NCK2: variants seen among roughly 807,000 people sequenced by gnomAD.
The protein encoded by NCK2 is cytoplasmic protein NCK2.
In NCK2, 16 loss-of-function variants were observed where a neutral mutation model predicts 33.9. The ratio of observed to expected loss-of-function variants is 0.47; its 90% CI spans 0.32 to 0.72. The LOEUF is 0.72. Ranked by LOEUF, NCK2 falls within the 30% of genes least tolerant of loss-of-function variation. NCK2 has a pLI of 0.03. For synonymous variants in NCK2, 273 were observed against 239.9 expected (o/e 1.14, Z -1.27); for missense variants, 418 against 537.3 (o/e 0.78, Z 2.19).
intron 1 of NCK2, among the ~76,000 whole-genome samples, chr2:105,757,711 T>C (rs1316868796): frequency 6.6e-6 from 1 of 152,170 alleles, no homozygotes; most frequent in Non-Finnish European, 1.5e-5. Context: ...AATTAACAAG[T>C]ATGGAAAATA....
At chr2:105,858,975 G>T (rs1480383134) in intron 3 of NCK2, among the ~76,000 whole-genome samples, 2 of 152,200 alleles carry the variant, frequency 1.3e-5, no homozygotes, top group Non-Finnish European at 1.5e-5. Flanking sequence ...AACTGTTTCT[G>T]CTGGCAGAAT....
At chr2:105,878,309 C>T (rs1027904958) in intron 3 of NCK2, among the ~76,000 whole-genome samples, 9 of 152,306 alleles carry the variant, frequency 5.9e-5, no homozygotes, top group Admixed American at 5.9e-4. Context: ...AGTCCCAATC[C>T]CCAGGACCTC....
intron 1 of NCK2, among the ~76,000 whole-genome samples, chr2:105,767,709 C>T (rs1689992606): frequency 6.6e-6 from 1 of 152,176 alleles, no homozygotes. Context: ...GAACAGAAAT[C>T]AGGAGAGCTG....
intron 1 of NCK2, among the ~76,000 whole-genome samples, chr2:105,789,731 C>T (rs1248748963): frequency 6.6e-6 from 1 of 152,202 alleles, no homozygotes; most frequent in Non-Finnish European, 1.5e-5. Flanking sequence ...CCAACTTAGG[C>T]TTGCTCCCGG....
At chr2:105,882,201 G>A (rs1383862771) in intron 4 of NCK2, 152 bp downstream of exon 4, 21 of 949,500 alleles carry the variant, frequency 2.2e-5, no homozygotes, top group African/African-American at 3.4e-5. Context: ...TTGCTACTCC[G>A]TGATTTACTT....
intron 2 of NCK2, among the ~76,000 whole-genome samples, chr2:105,839,544 TACTC>T (rs1228550757): frequency 1.3e-5 from 2 of 152,214 alleles, no homozygotes; most frequent in Admixed American, 6.5e-5. Flanking sequence ...AATACCCACT[TACTC>T]AGAAGGGCAG....
chr2:105,830,249 G>C (rs1231038156), intron 2 of NCK2, among the ~76,000 whole-genome samples: 1 of 151,868 alleles, frequency 6.6e-6, no homozygotes, highest in Non-Finnish European at 1.5e-5. Flanking sequence ...CCCACCTCTA[G>C]TAACCTCTAT....
chr2:105,860,404 G>A lies in NCK2; in HGVS notation c.226+5115G>A, dbSNP rs886111123. On this transcript the variant is annotated intron_variant, in intron 3 of 4. Transcript: ENST00000233154. ...CCAAGTGCCAGCCTCCGTCCCAGAG[G>A]TCAGGATGGACAGAGCCCCTGCTCT... Among the ~76,000 whole-genome samples, 8 of 152,214 alleles carry A rather than the reference G, an allele frequency of 5.3e-5. No individual in the cohort carries two copies. The South Asian group carries it at 1.7e-3, about 32-fold the overall frequency.
At chr2:105,862,461 A>G (rs1677578190) in intron 3 of NCK2, among the ~76,000 whole-genome samples, 1 of 152,236 alleles carries the variant, frequency 6.6e-6, no homozygotes, top group Non-Finnish European at 1.5e-5. Context: ...CAGCAGTCAC[A>G]GGTACGAGAC....
At chr2:105,775,308 T>C (rs974941534) in intron 1 of NCK2, among the ~76,000 whole-genome samples, 1 of 152,220 alleles carries the variant, frequency 6.6e-6, no homozygotes, top group Non-Finnish European at 1.5e-5. Flanking sequence ...TCCTGAATCC[T>C]GGTGTGCCTG....
intron 1 of NCK2, among the ~76,000 whole-genome samples, chr2:105,813,688 C>T (rs561348664): frequency 1.1e-4 from 17 of 152,348 alleles, no homozygotes; most frequent in African/African-American, 3.4e-4. Flanking sequence ...TCAGCACACT[C>T]GCCCAACACT....
At chr2:105,762,219 G>A (rs1032855643) in intron 1 of NCK2, among the ~76,000 whole-genome samples, 5 of 152,142 alleles carry the variant, frequency 3.3e-5, no homozygotes, top group Non-Finnish European at 2.9e-5. Context: ...GGTGATCTCC[G>A]AAGATTTCCT....
chr2:105,886,080 G>A (rs972262865), intron 4 of NCK2, among the ~76,000 whole-genome samples: 14 of 152,216 alleles, frequency 9.2e-5, no homozygotes, highest in Admixed American at 1.3e-4. Flanking sequence ...ATGAGTTAAT[G>A]TTAAGATGAC....
At chr2:105,864,888 T>C (rs1020993539) in intron 3 of NCK2, among the ~76,000 whole-genome samples, 1 of 150,322 alleles carries the variant, frequency 6.7e-6, no homozygotes, top group Admixed American at 6.6e-5. Context: ...TCCCTGCAAA[T>C]GGATGACTTT....
At chr2:105,808,178 G>A (rs898270678) in intron 1 of NCK2, among the ~76,000 whole-genome samples, 9 of 152,182 alleles carry the variant, frequency 5.9e-5, no homozygotes, top group East Asian at 3.9e-4. Flanking sequence ...GATTACAGGC[G>A]TGAGCCACTG....
chr2:105,754,062 G>A (rs927457071), intron 1 of NCK2, among the ~76,000 whole-genome samples: 2 of 152,218 alleles, frequency 1.3e-5, no homozygotes, highest in Admixed American at 1.3e-4. Flanking sequence ...CCCTGGAGCA[G>A]ATGGGACTGA....
intron 1 of NCK2, among the ~76,000 whole-genome samples, chr2:105,783,293 C>A (rs890777386): frequency 1.3e-5 from 2 of 152,150 alleles, no homozygotes; most frequent in Non-Finnish European, 2.9e-5. Flanking sequence ...TTGGGTGGGC[C>A]CCCATCGCCC....
At chr2:105,842,515 AT>A (rs1443833634) in intron 2 of NCK2, among the ~76,000 whole-genome samples, 10 of 152,172 alleles carry the variant, frequency 6.6e-5, no homozygotes. Context: ...CATATTATAC[AT>A]ATGCTTTATG....
In NCK2 at chr2:105,777,197, C is replaced by T. The variant is rs537184447; in HGVS notation, c.-201+32059C>T. ...GATGGCAGCTGGAACCTTCTACTCT[C>T]GTCACTGCTGCTTTAGGAACCTGCT... is the stretch of plus-strand genomic sequence containing the variant. On this transcript the variant is annotated intron_variant, in intron 1 of 4. Coordinates refer to ENST00000233154, the MANE Select transcript of NCK2 (RefSeq NM_003581.5). Among the ~76,000 whole-genome samples the T allele has an allele frequency of 1.2e-3, 182 of 152,214 alleles. 2 individuals carry two copies. Among genetic ancestry groups the T allele is most frequent in the Non-Finnish European group, 2.3e-3 (154 of 68,016 alleles).
Sources: gnomAD v4.1 joint callset for allele counts (sites outside exome capture counted in the v4.1 genomes callset) on GRCh38, gnomAD v4.1.1 for gene constraint, MANE v1.5 for transcripts, NCBI Gene and HGNC (gene_info 2026-07-23, HGNC 2026-07-21) for gene names.